Variants in TRHDE observed in about 807,000 individuals in gnomAD.
The protein encoded by TRHDE is thyrotropin releasing hormone degrading enzyme, also known as thyrotropin-releasing hormone-degrading ectoenzyme.
Under a neutral mutation model 125.7 loss-of-function variants are expected in TRHDE, and 72 were observed. The ratio of observed to expected loss-of-function variants is 0.57; its 90% CI spans 0.47 to 0.70. The LOEUF is 0.70. Ranked by LOEUF, TRHDE falls within the 30% of genes least tolerant of loss-of-function variation. The probability of loss-of-function intolerance (pLI) is 0.00; values close to 1 mark genes in which losing one functional copy is unlikely to be tolerated. For synonymous variants in TRHDE, 509 were observed against 509.1 expected (o/e 1.00, Z 0.00); for missense variants, 1,110 against 1,327.1 (o/e 0.84, Z 2.54).
At chr12:72,114,250 A>G (rs1875391172) in intron 2 of TRHDE, among the ~76,000 whole-genome samples, 1 of 151,684 alleles carries the variant, frequency 6.6e-6, no homozygotes, top group South Asian at 2.1e-4. Flanking sequence ...GAGCATTCGA[A>G]AATACAGCTG....
intron 12 of TRHDE, among the ~76,000 whole-genome samples, chr12:72,615,789 T>G (rs1346888608): frequency 6.6e-6 from 1 of 152,152 alleles, no homozygotes; most frequent in East Asian, 1.9e-4. Context: ...AAATTATTTC[T>G]GCTCACATAA....
intron 6 of TRHDE, among the ~76,000 whole-genome samples, chr12:72,502,934 G>A (rs1478495245): frequency 6.6e-6 from 1 of 152,128 alleles, no homozygotes; most frequent in Non-Finnish European, 1.5e-5. Flanking sequence ...TCAGCATCAG[G>A]CCTTTATGTA....
chr12:72,643,110 T>A (rs1393040675), intron 15 of TRHDE, among the ~76,000 whole-genome samples: 5 of 152,192 alleles, frequency 3.3e-5, no homozygotes, highest in Non-Finnish European at 5.9e-5. Flanking sequence ...GATTGATTCA[T>A]CTGCTGCATG....
intron 2 of TRHDE, among the ~76,000 whole-genome samples, chr12:72,315,766 C>G (rs1430833586): frequency 1.9e-4 from 29 of 152,178 alleles, no homozygotes; most frequent in Admixed American, 1.9e-3. Flanking sequence ...CCTCTTGTCC[C>G]TAATTCACTT....
intron 9 of TRHDE, among the ~76,000 whole-genome samples, chr12:72,565,917 C>T (rs1456380711): frequency 3.3e-5 from 5 of 151,744 alleles, no homozygotes; most frequent in Admixed American, 6.6e-5. Context: ...CAAGTTAAAC[C>T]GAAACAGCTG....
At chr12:72,372,866 G>T (rs188187655) in intron 2 of TRHDE, among the ~76,000 whole-genome samples, 1 of 152,226 alleles carries the variant, frequency 6.6e-6, no homozygotes, top group South Asian at 2.1e-4. Flanking sequence ...TTGACTTGGC[G>T]ATGTGGGCTC....
intron 1 of TRHDE, among the ~76,000 whole-genome samples, chr12:72,097,031 T>TTATATATA (rs1874939949): frequency 6.6e-6 from 1 of 152,224 alleles, no homozygotes; most frequent in African/African-American, 2.4e-5. Flanking sequence ...ACTGATTAGC[T>TTATATATA]TACTACTGGA....
chr12:72,581,777 C>G (rs1290850064), intron 12 of TRHDE, among the ~76,000 whole-genome samples: 2 of 152,000 alleles, frequency 1.3e-5, no homozygotes, highest in Admixed American at 6.6e-5. Context: ...GCATAAGGAC[C>G]TGTGTCTAGA....
chr12:72,568,143 TAATA>T (rs1052436154), intron 9 of TRHDE, among the ~76,000 whole-genome samples: 3 of 152,070 alleles, frequency 2.0e-5, no homozygotes, highest in Non-Finnish European at 4.4e-5. Flanking sequence ...AGTCATTAGA[TAATA>T]AATAAGGAGA....
chr12:72,542,392 T>C, intron 7 of TRHDE, 36 bp downstream of exon 7: 1 of 1,556,854 alleles, frequency 6.4e-7, no homozygotes, highest in Non-Finnish European at 8.8e-7. Context: ...TTTACATTTT[T>C]CCTTGTCAAT....
Position 72,643,507 on chromosome 12 carries a change from A to C in TRHDE, c.2676-8815A>C, listed in dbSNP as rs548204169. 2.2e-4 allele frequency among the ~76,000 whole-genome samples: 33 copies of C among 152,280 alleles called. No homozygotes were observed. In the South Asian group the frequency reaches 6.4e-3, roughly 30 times the overall value. On this transcript the variant is annotated intron_variant, in intron 15 of 18. Coordinates refer to ENST00000261180, the MANE Select transcript of TRHDE (RefSeq NM_013381.3). ...TATAGAACCTGCCCTTGTTCTAGGCAGCTTTGCCTTCAGAGACCTTCTTTG... is the reference window on the plus strand; with the variant it reads ...TATAGAACCTGCCCTTGTTCTAGGCCGCTTTGCCTTCAGAGACCTTCTTTG...
intron 2 of TRHDE, among the ~76,000 whole-genome samples, chr12:72,161,404 G>A (rs368588161): frequency 5.5e-4 from 82 of 148,092 alleles, no homozygotes; most frequent in African/African-American, 1.9e-3. Context: ...CTGCACTCCA[G>A]CCTGGCGACA....
At chr12:72,588,772 T>C (rs1026044917) in intron 12 of TRHDE, among the ~76,000 whole-genome samples, 2 of 152,164 alleles carry the variant, frequency 1.3e-5, no homozygotes, top group Non-Finnish European at 2.9e-5. Flanking sequence ...CATGCTGCTA[T>C]GAAGAAATGC....
At chr12:72,492,733 G>A (rs1475851240) in intron 5 of TRHDE, among the ~76,000 whole-genome samples, 1 of 151,620 alleles carries the variant, frequency 6.6e-6, no homozygotes, top group African/African-American at 2.4e-5. Context: ...TAATTCATGT[G>A]GTATTTTGTT....
intron 2 of TRHDE, among the ~76,000 whole-genome samples, chr12:72,318,123 T>G (rs1868894402): frequency 6.6e-6 from 1 of 152,192 alleles, no homozygotes; most frequent in Non-Finnish European, 1.5e-5. Context: ...TTGGATTTAC[T>G]ATGTGCTTCA....
chr12:72,191,075 GA>G (rs1353035566), intron 2 of TRHDE, among the ~76,000 whole-genome samples: 1 of 152,180 alleles, frequency 6.6e-6, no homozygotes, highest in Admixed American at 6.5e-5. Flanking sequence ...CATTGAGCCA[GA>G]ATAAATAACT....
chr12:72,365,565 A>G lies in TRHDE; in HGVS notation c.1189-12430A>G, dbSNP rs563762026. 2.0e-5 allele frequency among the ~76,000 whole-genome samples: 3 copies of G among 152,192 alleles called. No homozygotes were observed. The South Asian group carries it at 6.2e-4, about 32-fold the overall frequency. ...CACTTACATGCATTAATGTATTGGAAGCTTGGTAATAATATAGGTGAGTGA... is the reference window on the plus strand; with the variant it reads ...CACTTACATGCATTAATGTATTGGAGGCTTGGTAATAATATAGGTGAGTGA... On this transcript the variant is annotated intron_variant, in intron 2 of 18. Coordinates refer to ENST00000261180, the MANE Select transcript of TRHDE (RefSeq NM_013381.3).
chr12:72,206,880 AT>A (rs1267251541), intron 2 of TRHDE, among the ~76,000 whole-genome samples: 1 of 151,946 alleles, frequency 6.6e-6, no homozygotes, highest in Admixed American at 6.5e-5. Flanking sequence ...AGGAGAAAGT[AT>A]TTTGCATATG....
chr12:72,187,474 G>GGTC (rs992572353), intron 2 of TRHDE, among the ~76,000 whole-genome samples: 4 of 147,792 alleles, frequency 2.7e-5, no homozygotes, highest in African/African-American at 1.0e-4. Flanking sequence ...TGGTGGTTGT[G>GGTC]GTCGTGGTGG....
Sources: allele counts gnomAD v4.1 joint callset (sites outside exome capture counted in the v4.1 genomes callset), GRCh38; gene constraint gnomAD v4.1.1; transcripts MANE v1.5; gene names NCBI Gene and HGNC (gene_info 2026-07-23, HGNC 2026-07-21).